COL4A5: variants seen among roughly 807,000 people sequenced by gnomAD.
COL4A5 encodes collagen type IV alpha 5 chain.
In COL4A5, 26 loss-of-function variants were observed where a neutral mutation model predicts 130.2. The observed-to-expected ratio is 0.20, with a 90% CI of 0.15 to 0.28. The LOEUF is 0.28. COL4A5 is among the 10% of genes least tolerant of loss of function. The probability of loss-of-function intolerance (pLI) is 1.00; values close to 1 mark genes in which losing one functional copy is unlikely to be tolerated. For synonymous variants in COL4A5, 496 were observed against 439.6 expected, an observed-to-expected ratio of 1.13 and a Z score of -1.60; for missense variants, 1,131 against 1,344.3, an observed-to-expected ratio of 0.84 and a Z score of 2.48.
At chrX:108,685,725 GTA>G (rs1191224117) in intron 47 of COL4A5, among the ~76,000 whole-genome samples, 2 of 112,322 alleles carry the variant, frequency 1.8e-5, no homozygotes, top group African/African-American at 6.5e-5. Flanking sequence ...CAAAAACAAA[GTA>G]TACCTGGCAG....
chrX:108,662,480 A>G (rs760236025), intron 37 of COL4A5, among the ~76,000 whole-genome samples: 3 of 111,562 alleles, frequency 2.7e-5, no homozygotes, highest in Non-Finnish European at 5.6e-5. Flanking sequence ...GTAAAAAACC[A>G]ATCTCCTTAA....
intron 29 of COL4A5, 121 bp downstream of exon 29, chrX:108,607,013 T>C: frequency 2.9e-6 from 2 of 699,107 alleles, no homozygotes; most frequent in Non-Finnish European, 4.5e-6. Flanking sequence ...ATTCTGTTAC[T>C]GCTACACATT....
chrX:108,443,587 T>G (rs1188920039), intron 1 of COL4A5, among the ~76,000 whole-genome samples: 1 of 111,991 alleles, frequency 8.9e-6, no homozygotes, highest in Admixed American at 9.5e-5. Flanking sequence ...ATCTTTAGTC[T>G]TATGCATATA....
chrX:108,589,497 ATAAAATTGAAAT>A (rs1166151772), intron 19 of COL4A5, among the ~76,000 whole-genome samples: 3 of 111,483 alleles, frequency 2.7e-5, no homozygotes, highest in African/African-American at 9.7e-5. Flanking sequence ...AGTGACTAAA[ATAAAATTGAAAT>A]TAAAAATACC....
intron 34 of COL4A5, among the ~76,000 whole-genome samples, chrX:108,625,099 A>G (rs1214660042): frequency 1.8e-5 from 2 of 112,058 alleles, no homozygotes; most frequent in Non-Finnish European, 3.8e-5. Flanking sequence ...AAATAAAAAA[A>G]GTTTAAGGCA....
At chrX:108,440,272 G>C (rs781346273) in intron 1 of COL4A5, 66 bp downstream of exon 1, 2 of 219,393 alleles carry the variant, frequency 9.1e-6, no homozygotes, top group Non-Finnish European at 1.4e-5. Context: ...CCTTTTTTTT[G>C]GGGGGGGGGT....
At position 108,580,522 on chromosome X, in the gene COL4A5, C is replaced by A. The variant is rs753723869; in HGVS notation, c.781-11C>A. 8.4e-7 allele frequency: 1 copy of A among 1,196,561 alleles called. No individual in the cohort carries two copies. The highest frequency in any genetic ancestry group is 1.1e-6 in the Non-Finnish European group (1 of 882,410). The stretch of plus-strand genomic sequence containing the variant: ...ATTAACATTGATTTCCTTTCCCCTA[C>A]TACTGCATAGGGACTTCCTGGTGAC... On this transcript the variant is annotated splice_polypyrimidine_tract_variant and intron_variant, in intron 13 of 52. Transcript: ENST00000328300.
chrX:108,527,111 A>G (rs2065334738), intron 1 of COL4A5, among the ~76,000 whole-genome samples: 1 of 110,391 alleles, frequency 9.1e-6, no homozygotes, highest in South Asian at 3.9e-4. Context: ...TGTTTTTTAT[A>G]ATGTACCTTA....
chrX:108,476,319 A>G (rs2068715688), intron 1 of COL4A5, among the ~76,000 whole-genome samples: 1 of 110,644 alleles, frequency 9.0e-6, no homozygotes, highest in South Asian at 3.8e-4. Context: ...TTTATGGGAT[A>G]TGTGAGATGT....
intron 2 of COL4A5, among the ~76,000 whole-genome samples, chrX:108,555,340 T>A (rs1016679888): frequency 8.0e-5 from 9 of 112,301 alleles, no homozygotes; most frequent in African/African-American, 2.9e-4. Flanking sequence ...GCCAAAGGTC[T>A]ATTTTCTTGT....
rs1230922272 is a variant in COL4A5, at chrX:108,473,613, GTA to G, written c.81+33427_81+33428del. 1.4e-3 allele frequency among the ~76,000 whole-genome samples: 64 copies of G among 46,083 alleles called. 1 individual carries two copies. The highest frequency in any genetic ancestry group is 0.014 in the South Asian group (13 of 949). The allele number at this position is 46,083 out of a possible 115,157, so 40.0% of individuals were successfully genotyped here. A position where few individuals can be genotyped will look rare whatever the true frequency, so the allele number is the denominator to read the frequency against. ...TAAAGTTTTATATATATATATATAT[GTA>G]TATATATATATATATATATTTTTTT... On this transcript the variant is annotated intron_variant, in intron 1 of 52. Coordinates refer to ENST00000328300, the MANE Select transcript of COL4A5 (RefSeq NM_033380.3).
intron 36 of COL4A5, among the ~76,000 whole-genome samples, chrX:108,648,945 C>G (rs2067665830): frequency 1.8e-5 from 2 of 111,107 alleles, no homozygotes; most frequent in Admixed American, 1.9e-4. Context: ...AAGAGGAAGT[C>G]AAACTGTCAC....
intron 15 of COL4A5, 99 bp downstream of exon 15, chrX:108,580,837 A>G (rs2066234076): frequency 1.0e-6 from 1 of 958,594 alleles, no homozygotes; most frequent in African/African-American, 1.9e-5. Context: ...GTTTCAAAAT[A>G]TCACTACTGA....
chrX:108,639,901 G>T (rs2067428110), intron 36 of COL4A5, among the ~76,000 whole-genome samples: 1 of 112,194 alleles, frequency 8.9e-6, no homozygotes, highest in African/African-American at 3.2e-5. Context: ...TGTTGGTGAG[G>T]ATGTGGAGAA....
At chrX:108,603,137 A>T in intron 28 of COL4A5, 76 bp downstream of exon 28, 2 of 647,965 alleles carry the variant, frequency 3.1e-6, no homozygotes, top group East Asian at 7.1e-5. Flanking sequence ...CTCTATTTTG[A>T]CTCAGATATC....
chrX:108,557,367 A>T (rs969649509), intron 2 of COL4A5, among the ~76,000 whole-genome samples: 2 of 111,640 alleles, frequency 1.8e-5, no homozygotes, highest in Non-Finnish European at 3.8e-5. Flanking sequence ...ATGAATACTA[A>T]ATTATCATAA....
At chrX:108,530,122 A>G (rs1165411000) in intron 1 of COL4A5, among the ~76,000 whole-genome samples, 1 of 111,529 alleles carries the variant, frequency 9.0e-6, no homozygotes, top group Non-Finnish European at 1.9e-5. Context: ...TTATACATGG[A>G]CCATTCTCCA....
chrX:108,588,267 T>C (rs1261414631), intron 19 of COL4A5, among the ~76,000 whole-genome samples: 1 of 111,240 alleles, frequency 9.0e-6, no homozygotes, highest in Non-Finnish European at 1.9e-5. Context: ...CAAAAATACG[T>C]GGCTAATGAA....
At chrX:108,652,905 A>C (rs1225252683) in intron 36 of COL4A5, among the ~76,000 whole-genome samples, 1 of 111,935 alleles carries the variant, frequency 8.9e-6, no homozygotes, top group African/African-American at 3.2e-5. Context: ...AAAGCTTGAC[A>C]TTAGAACAGA....
Sources: allele counts gnomAD v4.1 joint callset (sites outside exome capture counted in the v4.1 genomes callset), GRCh38; gene constraint gnomAD v4.1.1; transcripts MANE v1.5; gene names NCBI Gene and HGNC (gene_info 2026-07-23, HGNC 2026-07-21).